PDE11A: variants seen among roughly 807,000 people sequenced by gnomAD.
The protein encoded by PDE11A is dual 3',5'-cyclic-AMP and -GMP phosphodiesterase 11A.
In PDE11A, 100 loss-of-function variants were observed where a neutral mutation model predicts 100.5. The ratio of observed to expected loss-of-function variants is 1.00; its 90% CI spans 0.85 to 1.18. The LOEUF (loss-of-function observed/expected upper bound fraction) is 1.18, where lower values mean the gene tolerates loss of function less well. PDE11A is among the 50% of genes most tolerant of loss of function. The pLI is 0.00. For missense variants in PDE11A, 1,141 were observed against 1,152.6 expected (o/e 0.99, Z 0.15); for synonymous variants, 381 against 420.8 (o/e 0.91, Z 1.16).
At chr2:177,875,797 C>A in intron 5 of PDE11A, 62 bp downstream of exon 5, 1 of 1,014,450 alleles carries the variant, frequency 9.9e-7, no homozygotes. Context: ...AAGAATTATG[C>A]AATGCTGCTA....
intron 2 of PDE11A, among the ~76,000 whole-genome samples, chr2:177,960,597 G>C (rs16865951): frequency 0.019 from 2,912 of 151,660 alleles, 83 homozygotes; most frequent in African/African-American, 0.066. Context: ...AAACTATATA[G>C]AATGGAATTT....
chr2:177,873,231 AGTTGT>A (rs2084171577), intron 5 of PDE11A, among the ~76,000 whole-genome samples: 1 of 152,210 alleles, frequency 6.6e-6, no homozygotes, highest in Admixed American at 6.5e-5. Context: ...GGACTTCAAA[AGTTGT>A]GTTTTAATAA....
chr2:177,906,175 ACACACGCACGCACG>A (rs1559000521), intron 2 of PDE11A, among the ~76,000 whole-genome samples: 1 of 136,458 alleles, frequency 7.3e-6, no homozygotes, highest in Non-Finnish European at 1.6e-5. Context: ...TCACACACAC[ACACACGCACGCACG>A]CACGCACGCA....
chr2:177,864,377 C>T (rs1263667567), intron 5 of PDE11A, among the ~76,000 whole-genome samples: 1 of 152,024 alleles, frequency 6.6e-6, no homozygotes. Context: ...AAGAAATGGG[C>T]AACTGTGAGA....
At chr2:178,059,281 G>GCCCTATGTGTCT (rs2086937912) in intron 1 of PDE11A, among the ~76,000 whole-genome samples, 1 of 152,182 alleles carries the variant, frequency 6.6e-6, no homozygotes, top group Admixed American at 6.5e-5. Context: ...GGTATGGGGA[G>GCCCTATGTGTCT]AGTCAGTGTC....
intron 6 of PDE11A, among the ~76,000 whole-genome samples, chr2:177,826,650 C>T (rs1213245146): frequency 6.6e-6 from 1 of 152,224 alleles, no homozygotes; most frequent in Non-Finnish European, 1.5e-5. Flanking sequence ...GCATTTTCTC[C>T]ACTGCCCATG....
At chr2:177,870,601 A>G (rs922399740) in intron 5 of PDE11A, among the ~76,000 whole-genome samples, 1 of 152,224 alleles carries the variant, frequency 6.6e-6, no homozygotes, top group Non-Finnish European at 1.5e-5. Context: ...TCTTTCAGCA[A>G]TTCTACTGAA....
intron 2 of PDE11A, among the ~76,000 whole-genome samples, chr2:177,919,927 A>G (rs748896860): frequency 3.9e-5 from 6 of 152,172 alleles, no homozygotes; most frequent in Admixed American, 1.3e-4. Context: ...ATAATCATGC[A>G]ACTTAAAGGA....
At chr2:178,075,902 A>C (rs544497775), upstream of PDE11A, among the ~76,000 whole-genome samples, 3 of 152,280 alleles carry the variant, frequency 2.0e-5, no homozygotes, top group African/African-American at 7.2e-5. Context: ...AGAAAATAAA[A>C]ATATATTTCC....
chr2:177,845,197 G>C (rs1326247672), intron 5 of PDE11A, among the ~76,000 whole-genome samples: 1 of 151,776 alleles, frequency 6.6e-6, no homozygotes, highest in Non-Finnish European at 1.5e-5. Flanking sequence ...TCCCGGACGG[G>C]GTGGCTGCCG....
At chr2:177,906,856 C>G (rs2084797847) in intron 2 of PDE11A, among the ~76,000 whole-genome samples, 1 of 152,214 alleles carries the variant, frequency 6.6e-6, no homozygotes, top group African/African-American at 2.4e-5. Context: ...AGAGCAAGCA[C>G]TTTCCTTGTA....
intron 10 of PDE11A, among the ~76,000 whole-genome samples, chr2:177,753,509 G>A (rs1160868393): frequency 6.6e-6 from 1 of 151,770 alleles, no homozygotes; most frequent in Non-Finnish European, 1.5e-5. Flanking sequence ...TAGTTCCTTC[G>A]TTCTCTCCTT....
chr2:177,758,319 A>C (rs1297360763), intron 10 of PDE11A, among the ~76,000 whole-genome samples: 2 of 149,036 alleles, frequency 1.3e-5, no homozygotes, highest in Non-Finnish European at 3.0e-5. Flanking sequence ...AAAAAAAAAA[A>C]GAATATTCAA....
At chr2:177,669,280 C>T (rs1427721954) in intron 18 of PDE11A, among the ~76,000 whole-genome samples, 2 of 152,102 alleles carry the variant, frequency 1.3e-5, no homozygotes, top group Non-Finnish European at 2.9e-5. Context: ...ACTGTGGGTG[C>T]GCAGGAAATG....
intron 1 of PDE11A, among the ~76,000 whole-genome samples, chr2:178,052,277 G>A (rs556827671): frequency 3.3e-5 from 5 of 152,254 alleles, no homozygotes; most frequent in Admixed American, 1.3e-4. Flanking sequence ...GGTACATAAC[G>A]AAATGAAGGC....
intron 2 of PDE11A, among the ~76,000 whole-genome samples, chr2:177,993,269 T>C (rs2086026229): frequency 1.3e-5 from 2 of 152,276 alleles, no homozygotes; most frequent in African/African-American, 4.8e-5. Context: ...TGTGGTTTTC[T>C]AATTGTGTAA....
Position 178,072,441 on chromosome 2 carries a change from C to T in PDE11A, c.-4G>A, listed in dbSNP as rs1412176362. 1.9e-6 allele frequency: 3 copies of T among 1,613,086 alleles called. No individual in the cohort carries two copies. Among genetic ancestry groups the T allele is most frequent in the African/African-American group, 2.7e-5 (2 of 74,938 alleles). ...AGTCCAGGCGGGAGGCTGCCATGGT[C>T]CCAGACAGCTTTCCTTGCCTGTTTA... On this transcript the variant is annotated 5_prime_UTR_variant, in exon 1 of 20. Transcript: ENST00000286063.
intron 5 of PDE11A, among the ~76,000 whole-genome samples, chr2:177,843,704 T>G (rs969541795): frequency 4.6e-5 from 7 of 152,202 alleles, no homozygotes; most frequent in African/African-American, 1.7e-4. Context: ...TTCTAAAGTA[T>G]AAGCTATGAT....
intron 6 of PDE11A, among the ~76,000 whole-genome samples, chr2:177,832,641 G>A (rs758160983): frequency 1.3e-4 from 20 of 151,848 alleles, no homozygotes; most frequent in Non-Finnish European, 2.2e-4. Context: ...AATAGAAGTC[G>A]CTTCCTGATA....
Sources: allele counts gnomAD v4.1 joint callset (sites outside exome capture counted in the v4.1 genomes callset), GRCh38; gene constraint gnomAD v4.1.1; transcripts MANE v1.5; gene names NCBI Gene and HGNC (gene_info 2026-07-23, HGNC 2026-07-21).